Variants in FASTKD2 observed in about 807,000 individuals in gnomAD.
FASTKD2 encodes the protein FAST kinase domain-containing protein 2, mitochondrial.
A neutral mutation model predicts 63.6 loss-of-function variants in FASTKD2; 51 were observed. That is an observed-to-expected ratio of 0.80 (90% CI 0.64 to 1.01). The LOEUF (loss-of-function observed/expected upper bound fraction) is 1.01. Ranked by LOEUF, FASTKD2 falls within the 50% of genes least tolerant of loss-of-function variation. The pLI is 0.00. For synonymous variants in FASTKD2, 284 were observed against 293.4 expected, an observed-to-expected ratio of 0.97 and a Z score of 0.33; for missense variants, 786 against 831.1, an observed-to-expected ratio of 0.95 and a Z score of 0.67.
Position 206,774,276 on chromosome 2 carries a change from T to A in FASTKD2, c.1306T>A (p.Leu436Ile). 2 of 1,611,692 alleles carry A rather than the reference T, an allele frequency of 1.2e-6. No individual in the cohort carries two copies. The highest frequency in any genetic ancestry group is 1.7e-6 in the Non-Finnish European group (2 of 1,178,240). Residue 436 changes from leucine to isoleucine, a missense_variant, in exon 7 of 12, where the codon TTA (leucine) becomes ATA (isoleucine). Transcript: ENST00000402774. ...FENLGFRPVGLMDLFMKRIVE... is the reference protein window; with the variant it reads ...FENLGFRPVGIMDLFMKRIVE... ...AAACCTTGGCTTTCGACCTGTTGGT[T>A]TAATGGACCTGTTTATGAAGAGAAT...
At chr2:206,769,261 CT>C (rs1689603995) in intron 2 of FASTKD2, among the ~76,000 whole-genome samples, 1 of 151,974 alleles carries the variant, frequency 6.6e-6, no homozygotes, top group Non-Finnish European at 1.5e-5. Context: ...GGAAAGAAAC[CT>C]TTTTTTTCTT....
At chr2:206,772,917 G>C (rs555313577) in intron 6 of FASTKD2, among the ~76,000 whole-genome samples, 1 of 152,272 alleles carries the variant, frequency 6.6e-6, no homozygotes, top group South Asian at 2.1e-4. Flanking sequence ...TGGTGAGTTT[G>C]TTGGGATATA....
At chr2:206,791,552 G>C in intron 11 of FASTKD2, 131 bp from the exon 12 acceptor site, 1 of 768,208 alleles carries the variant, frequency 1.3e-6, no homozygotes, top group Non-Finnish European at 2.3e-6. Flanking sequence ...TAAAATATGA[G>C]TAGTTATAAG....
At chr2:206,773,066 G>A (rs964000289) in intron 6 of FASTKD2, among the ~76,000 whole-genome samples, 2 of 152,128 alleles carry the variant, frequency 1.3e-5, no homozygotes, top group South Asian at 2.1e-4. Context: ...TGTAATCCCA[G>A]CACTTTGGGA....
At chr2:206,766,274 A>C (rs1485918332) in intron 1 of FASTKD2, among the ~76,000 whole-genome samples, 8 of 151,064 alleles carry the variant, frequency 5.3e-5, no homozygotes, top group African/African-American at 1.7e-4. Flanking sequence ...AAAAAAAAAA[A>C]AAAAAAAAAA....
intron 7 of FASTKD2, among the ~76,000 whole-genome samples, chr2:206,780,661 A>G (rs534965277): frequency 2.0e-5 from 3 of 151,958 alleles, no homozygotes; most frequent in Admixed American, 6.5e-5. Flanking sequence ...CTCTTTCTAG[A>G]TTTGTGAAGT....
intron 10 of FASTKD2, 86 bp from the exon 11 acceptor site, chr2:206,790,486 C>A: frequency 1.2e-6 from 1 of 858,710 alleles, no homozygotes; most frequent in Non-Finnish European, 2.0e-6. Context: ...GAGAGCTCAA[C>A]TTGGAAATCT....
In FASTKD2 at chr2:206,792,298, A is replaced by AG. The variant is rs1690306577; in HGVS notation, c.*496_*497insG. On this transcript the variant is annotated 3_prime_UTR_variant, in exon 12 of 12. Transcript: ENST00000402774. ...AGAATTAGTGAGGTAGCTGTTGAAA[A>AG]TGAGTGAGGATGGTATTTGTATTTG... 2.9e-5 allele frequency: 5 copies of AG among 174,194 alleles called. No homozygotes were observed. The highest frequency in any genetic ancestry group is 2.8e-4 in the Admixed American group (5 of 18,092). The allele number at this position is 174,194 out of a possible 1,614,324, so 10.8% of individuals were successfully genotyped here.
At chr2:206,777,351 A>G (rs1213837593) in intron 7 of FASTKD2, among the ~76,000 whole-genome samples, 1 of 152,110 alleles carries the variant, frequency 6.6e-6, no homozygotes, top group East Asian at 1.9e-4. Context: ...CATTTCTTCT[A>G]TACCTAATTT....
intron 7 of FASTKD2, among the ~76,000 whole-genome samples, chr2:206,779,382 C>A (rs112234180): frequency 1.3e-5 from 2 of 151,978 alleles, no homozygotes; most frequent in African/African-American, 4.8e-5. Flanking sequence ...TCTATTCTCA[C>A]GTTGCTATAC....
intron 6 of FASTKD2, 116 bp from the exon 7 acceptor site, chr2:206,774,109 A>T: frequency 5.9e-6 from 4 of 679,116 alleles, no homozygotes; most frequent in Non-Finnish European, 1.0e-5. Flanking sequence ...CTGTTTCAGG[A>T]TATATTCTGT....
intron 11 of FASTKD2, 167 bp from the exon 12 acceptor site, chr2:206,791,516 C>T: frequency 4.7e-6 from 3 of 633,050 alleles, no homozygotes; most frequent in South Asian, 3.9e-5. Flanking sequence ...TTTCTTAAAC[C>T]CTAGCATGTA....
chr2:206,776,463 G>A (rs11898279), intron 7 of FASTKD2, among the ~76,000 whole-genome samples: 2,436 of 151,952 alleles, frequency 0.016, 72 homozygotes, highest in African/African-American at 0.054. Flanking sequence ...AATGCCATCA[G>A]GCTTCTCCTA....
intron 2 of FASTKD2, among the ~76,000 whole-genome samples, chr2:206,768,781 A>G (rs1344480226): frequency 6.6e-6 from 1 of 152,216 alleles, no homozygotes; most frequent in Non-Finnish European, 1.5e-5. Flanking sequence ...ATAGAATTCA[A>G]TAATTGGGTT....
At chr2:206,783,679 G>A (rs1271817839) in intron 7 of FASTKD2, among the ~76,000 whole-genome samples, 1 of 152,164 alleles carries the variant, frequency 6.6e-6, no homozygotes, top group African/African-American at 2.4e-5. Flanking sequence ...TTGTTACATT[G>A]AAAATAGAGG....
rs760046755 is a variant in FASTKD2, at chr2:206,770,071, T to C, written c.778-20T>C. On this transcript the variant is annotated intron_variant, in intron 2 of 11. Transcript: ENST00000402774. Reference sequence around the variant, plus strand: ...TATGGGCTCATCACCTGTAGTGTTTTTGTAATTATATTTCAATAGGAACGT... The same window carrying C: ...TATGGGCTCATCACCTGTAGTGTTTCTGTAATTATATTTCAATAGGAACGT... 9 of 1,497,622 alleles carry C rather than the reference T, an allele frequency of 6.0e-6. No homozygotes were observed. The South Asian group carries it at 1.0e-4, about 17-fold the overall frequency. The allele number at this position is 1,497,622 out of a possible 1,614,324, so 92.8% of individuals were successfully genotyped here. A position where few individuals can be genotyped will look rare whatever the true frequency, so the allele number is the denominator to read the frequency against.
intron 3 of FASTKD2, 119 bp from the exon 4 acceptor site, chr2:206,771,063 C>A (rs1273592643): frequency 1.5e-6 from 1 of 675,036 alleles, no homozygotes. Flanking sequence ...GCAGGTAGAT[C>A]ATTTCTCTGG....
chr2:206,794,055 A>G lies in FASTKD2; in HGVS notation c.*2253A>G, dbSNP rs890812523. ...CCATAATTTAAAAAATAGCTTTATT[A>G]TAGTATAATTGACATACAGTAAACT... is the stretch of plus-strand genomic sequence containing the variant. On this transcript the variant is annotated 3_prime_UTR_variant, in exon 12 of 12. Coordinates refer to ENST00000402774, the MANE Select transcript of FASTKD2 (RefSeq NM_001136193.2). 6.6e-6 allele frequency among the ~76,000 whole-genome samples: 1 copy of G among 152,208 alleles called. No homozygotes were observed. The highest frequency in any genetic ancestry group is 1.5e-5 in the Non-Finnish European group (1 of 68,042).
At chr2:206,773,708 A>G (rs558019388) in intron 6 of FASTKD2, among the ~76,000 whole-genome samples, 76 of 152,296 alleles carry the variant, frequency 5.0e-4, no homozygotes, top group Non-Finnish European at 8.1e-4. Flanking sequence ...TGAGAAGGAA[A>G]TTGGAGGTGA....
Sources: allele counts gnomAD v4.1 joint callset (sites outside exome capture counted in the v4.1 genomes callset), GRCh38; gene constraint gnomAD v4.1.1; transcripts MANE v1.5; gene names NCBI Gene and HGNC (gene_info 2026-07-23, HGNC 2026-07-21).